ALOX5: variants seen among roughly 807,000 people sequenced by gnomAD.
ALOX5 encodes polyunsaturated fatty acid 5-lipoxygenase.
A neutral mutation model predicts 87.9 loss-of-function variants in ALOX5; 64 were observed. The observed-to-expected ratio is 0.73, with a 90% confidence interval of 0.60 to 0.90. ALOX5 has a LOEUF of 0.90. Among genes scored for constraint, ALOX5 ranks in the 40% least tolerant of loss-of-function variants. The probability of loss-of-function intolerance (pLI) is 0.00; values close to 1 mark genes in which losing one functional copy is unlikely to be tolerated. For synonymous variants in ALOX5, 388 were observed against 355.1 expected (o/e 1.09, Z -1.04); for missense variants, 822 against 907.5 (o/e 0.91, Z 1.21).
At chr10:45,441,710 C>A in intron 9 of ALOX5, 1 of 457,144 alleles carries the variant, frequency 2.2e-6, no homozygotes, top group Non-Finnish European at 3.9e-6. Flanking sequence ...GGGTGTAGAC[C>A]CCCCTCTGGA....
At chr10:45,376,742 T>C (rs1839628779) in intron 1 of ALOX5, among the ~76,000 whole-genome samples, 1 of 152,220 alleles carries the variant, frequency 6.6e-6, no homozygotes, top group Non-Finnish European at 1.5e-5. Flanking sequence ...CAGGACTGAT[T>C]TTTTCCTTGA....
intron 4 of ALOX5, among the ~76,000 whole-genome samples, 172 bp downstream of exon 4, chr10:45,412,485 G>A (rs1364514693): frequency 1.3e-5 from 2 of 152,060 alleles, no homozygotes; most frequent in Non-Finnish European, 2.9e-5. Flanking sequence ...CACAATTGCA[G>A]GACAACCGGT....
intron 3 of ALOX5, among the ~76,000 whole-genome samples, chr10:45,405,768 GCT>G (rs1376548071): frequency 7.0e-6 from 1 of 142,358 alleles, no homozygotes; most frequent in African/African-American, 2.7e-5. Flanking sequence ...ACAGAGTCTT[GCT>G]CTGTTTCCTA....
chr10:45,428,663 G>C lies in ALOX5; in HGVS notation c.880G>C (p.Asp294His). The change falls in exon 7 of 14, where the codon GAT becomes CAT. Residue 294 changes from aspartate to histidine, a missense_variant. Coordinates refer to ENST00000374391, the MANE Select transcript of ALOX5 (RefSeq NM_000698.5). ...GGACTTTGAGCTGCTGGATGGCATC[G>C]ATGCCAACAAAACAGACCCCTGCAC... ...IVDFELLDGI[D>H]ANKTDPCTLQ... 2 of 1,614,078 alleles carry C rather than the reference G, an allele frequency of 1.2e-6. No homozygotes were observed. Among genetic ancestry groups the C allele is most frequent in the Non-Finnish European group, 1.7e-6 (2 of 1,180,016 alleles).
At chr10:45,404,122 G>A (rs751112684) in intron 3 of ALOX5, among the ~76,000 whole-genome samples, 2 of 152,072 alleles carry the variant, frequency 1.3e-5, no homozygotes, top group African/African-American at 2.4e-5. Flanking sequence ...TGCAGCAGGG[G>A]GCTTCTGGTG....
intron 2 of ALOX5, among the ~76,000 whole-genome samples, chr10:45,393,821 A>G (rs1279161196): frequency 9.2e-5 from 14 of 152,244 alleles, no homozygotes; most frequent in African/African-American, 2.4e-5. Flanking sequence ...ACAGACAAAC[A>G]GAGAGCCAAA....
At chr10:45,387,976 T>C (rs985436825) in intron 2 of ALOX5, among the ~76,000 whole-genome samples, 24 of 152,256 alleles carry the variant, frequency 1.6e-4, no homozygotes, top group Non-Finnish European at 3.2e-4. Context: ...GGGCAGCCCA[T>C]TGAGTGTGAG....
Position 45,444,223 on chromosome 10 carries a change from C to T in ALOX5, c.1782C>T (p.Asp594=). The change falls in exon 13 of 14, where the codon GAC becomes GAT. Residue 594 remains aspartate, a synonymous_variant. Coordinates refer to ENST00000374391, the MANE Select transcript of ALOX5 (RefSeq NM_000698.5). ...TIEQIVDTLP[D]RGRSCWHLGA... ...AGCAGATCGTGGACACGCTGCCCGACCGCGGCCGCTCCTGCTGGCATCTGG... is the reference window on the plus strand; with the variant it reads ...AGCAGATCGTGGACACGCTGCCCGATCGCGGCCGCTCCTGCTGGCATCTGG... 1.3e-6 allele frequency: 2 copies of T among 1,554,788 alleles called. No homozygotes were observed. The highest frequency in any genetic ancestry group is 1.7e-6 in the Non-Finnish European group (2 of 1,149,126).
At chr10:45,433,210 T>G (rs80280010) in intron 7 of ALOX5, among the ~76,000 whole-genome samples, 5,464 of 152,332 alleles carry the variant, frequency 0.036, 148 homozygotes, top group East Asian at 0.053. Context: ...AGCCTGGCAG[T>G]GTTCACGGGA....
At chr10:45,401,966 A>T (rs1840714267) in intron 3 of ALOX5, among the ~76,000 whole-genome samples, 1 of 151,652 alleles carries the variant, frequency 6.6e-6, no homozygotes, top group South Asian at 2.1e-4. Context: ...GGGCGCCTGT[A>T]GTCCCAGCTG....
Position 45,441,417 on chromosome 10 carries a change from G to A in ALOX5, c.1259G>A (p.Gly420Asp). ...CGTGAGCAGCTCATCTGCGAGTGTGGCCTCTTTGACAAGGTGGGTGCCCTC... is the reference window on the plus strand; with the variant it reads ...CGTGAGCAGCTCATCTGCGAGTGTGACCTCTTTGACAAGGTGGGTGCCCTC... ...KAREQLICEC[G>D]LFDKANATGG... Residue 420 changes from glycine to aspartate, a missense_variant, in exon 9 of 14, where the codon GGC (glycine) becomes GAC (aspartate). Physicochemically the swap from Gly to Asp is moderately conservative, Grantham distance 94. Coordinates refer to ENST00000374391, the MANE Select transcript of ALOX5 (RefSeq NM_000698.5). The A allele has an allele frequency of 6.2e-7, 1 of 1,613,408 alleles. No homozygotes were observed. Among genetic ancestry groups the A allele is most frequent in the Non-Finnish European group, 8.5e-7 (1 of 1,179,490 alleles).
chr10:45,383,691 T>C (rs1215002944), intron 2 of ALOX5, among the ~76,000 whole-genome samples: 1 of 152,200 alleles, frequency 6.6e-6, no homozygotes, highest in East Asian at 1.9e-4. Flanking sequence ...AGTTATTCTG[T>C]ACCTGCTGTT....
At chr10:45,414,582 A>G (rs1841199776) in intron 4 of ALOX5, among the ~76,000 whole-genome samples, 1 of 152,356 alleles carries the variant, frequency 6.6e-6, no homozygotes, top group African/African-American at 2.4e-5. Context: ...GCCAAAATGG[A>G]CAAATGGGAT....
At chr10:45,376,126 C>T (rs994562980) in intron 1 of ALOX5, among the ~76,000 whole-genome samples, 24 of 152,184 alleles carry the variant, frequency 1.6e-4, no homozygotes, top group African/African-American at 4.1e-4. Flanking sequence ...GACATGATAA[C>T]GTGGCCATAG....
At chr10:45,395,320 G>A (rs1417783420) in intron 2 of ALOX5, among the ~76,000 whole-genome samples, 1 of 152,104 alleles carries the variant, frequency 6.6e-6, no homozygotes, top group Non-Finnish European at 1.5e-5. Flanking sequence ...CATGGATGAA[G>A]CTGGAAATCA....
At chr10:45,380,650 G>A (rs1007862114) in intron 1 of ALOX5, among the ~76,000 whole-genome samples, 1 of 152,226 alleles carries the variant, frequency 6.6e-6, no homozygotes, top group African/African-American at 2.4e-5. Context: ...CTTAGAAAGT[G>A]CCTTGCAGGG....
chr10:45,377,662 T>G (rs1231598705), intron 1 of ALOX5, among the ~76,000 whole-genome samples: 1 of 152,102 alleles, frequency 6.6e-6, no homozygotes, highest in Non-Finnish European at 1.5e-5. Context: ...TCTTCCTCTC[T>G]GCTCTACAGC....
rs1842295956 is a variant in ALOX5, at chr10:45,443,178, C to T, written c.1413C>T (p.Tyr471=). 1.2e-6 allele frequency: 2 copies of T among 1,613,788 alleles called. No individual in the cohort carries two copies. The highest frequency in any genetic ancestry group is 1.7e-6 in the Non-Finnish European group (2 of 1,179,988). Residue 471 remains tyrosine, a synonymous_variant, in exon 10 of 14, where the codon TAC becomes TAT. Coordinates refer to ENST00000374391, the MANE Select transcript of ALOX5 (RefSeq NM_000698.5). ...AAGAAGACATCCCCTACTACTTCTA[C>T]CGGGACGACGGGCTCCTGGTGTGGG... The part of the protein sequence containing the change: ...ESKEDIPYYF[Y]RDDGLLVWEA...
At chr10:45,418,323 G>A (rs1841371127) in intron 4 of ALOX5, among the ~76,000 whole-genome samples, 1 of 152,160 alleles carries the variant, frequency 6.6e-6, no homozygotes, top group African/African-American at 2.4e-5. Context: ...AGTCGTCTAA[G>A]TTCCCTGAGC....
Sources: gnomAD v4.1 joint callset for allele counts (sites outside exome capture counted in the v4.1 genomes callset) on GRCh38, gnomAD v4.1.1 for gene constraint, MANE v1.5 for transcripts, NCBI Gene and HGNC (gene_info 2026-07-23, HGNC 2026-07-21) for gene names.